The following TSPAN18 variants were observed in gnomAD, a reference collection of about 807,000 sequenced individuals.
The protein encoded by TSPAN18 is tetraspanin-18.
In TSPAN18, 14 loss-of-function variants were observed where a neutral mutation model predicts 27.3. The ratio of observed to expected loss-of-function variants is 0.51; its 90% CI spans 0.34 to 0.80. The LOEUF (loss-of-function observed/expected upper bound fraction) is 0.80, where lower values mean the gene tolerates loss of function less well. Among genes scored for constraint, TSPAN18 ranks in the 30% least tolerant of loss-of-function variants. The pLI is 0.01. For synonymous variants in TSPAN18, 143 were observed against 136.5 expected (o/e 1.05, Z -0.33); for missense variants, 268 against 323.9 (o/e 0.83, Z 1.32).
intron 1 of TSPAN18, among the ~76,000 whole-genome samples, chr11:44,755,476 C>T (rs1855310163): frequency 6.6e-6 from 1 of 151,928 alleles, no homozygotes. Context: ...GAGAGCCCGG[C>T]AGACACTGCA....
At chr11:44,925,035 C>T (rs958824345) in intron 8 of TSPAN18, among the ~76,000 whole-genome samples, 6 of 152,246 alleles carry the variant, frequency 3.9e-5, no homozygotes, top group African/African-American at 1.4e-4. Context: ...CTGGCCTGGC[C>T]TGGGGTAGGA....
intron 2 of TSPAN18, among the ~76,000 whole-genome samples, chr11:44,769,344 G>A (rs999705934): frequency 6.6e-6 from 1 of 152,140 alleles, no homozygotes; most frequent in Admixed American, 6.6e-5. Flanking sequence ...AGAGATATTG[G>A]TCTGTAGTTT....
At chr11:44,876,463 G>A (rs1396577208) in intron 3 of TSPAN18, among the ~76,000 whole-genome samples, 5 of 152,208 alleles carry the variant, frequency 3.3e-5, no homozygotes, top group Admixed American at 3.3e-4. Flanking sequence ...GGCATTGGAA[G>A]TAAACAGAAG....
intron 2 of TSPAN18, among the ~76,000 whole-genome samples, chr11:44,844,821 G>C (rs904187117): frequency 1.3e-5 from 2 of 152,102 alleles, no homozygotes; most frequent in Admixed American, 6.6e-5. Context: ...AATCATTTGA[G>C]AAGAAAGAAA....
chr11:44,806,039 T>TC (rs1456754063), intron 2 of TSPAN18, among the ~76,000 whole-genome samples: 17 of 130,088 alleles, frequency 1.3e-4, no homozygotes, highest in Admixed American at 7.2e-4. Context: ...CACTATTTTT[T>TC]CCTTTTTTTT....
intron 2 of TSPAN18, among the ~76,000 whole-genome samples, chr11:44,797,844 C>T (rs960246266): frequency 4.6e-5 from 7 of 152,260 alleles, no homozygotes; most frequent in African/African-American, 7.2e-5. Flanking sequence ...AAGTGGGTGA[C>T]ATAGAGCACT....
chr11:44,868,448 G>A (rs1177542026), intron 3 of TSPAN18, among the ~76,000 whole-genome samples: 1 of 152,178 alleles, frequency 6.6e-6, no homozygotes, highest in African/African-American at 2.4e-5. Flanking sequence ...TGGGCTGTGG[G>A]TATGGGTGTG....
intron 2 of TSPAN18, among the ~76,000 whole-genome samples, chr11:44,806,924 A>G (rs573217306): frequency 3.3e-5 from 5 of 152,184 alleles, no homozygotes; most frequent in African/African-American, 4.8e-5. Flanking sequence ...TTTTATTTCA[A>G]TGGTTATATA....
At chr11:44,905,485 T>C (rs1282040521) in intron 3 of TSPAN18, among the ~76,000 whole-genome samples, 1 of 152,202 alleles carries the variant, frequency 6.6e-6, no homozygotes, top group Non-Finnish European at 1.5e-5. Context: ...CTCATGGATC[T>C]CTAATCCCTG....
chr11:44,798,375 C>T (rs1243796238), intron 2 of TSPAN18, among the ~76,000 whole-genome samples: 2 of 151,972 alleles, frequency 1.3e-5, no homozygotes, highest in South Asian at 2.1e-4. Context: ...CAGGGAAAGA[C>T]GGGGAAAGCA....
intron 2 of TSPAN18, among the ~76,000 whole-genome samples, chr11:44,781,964 C>T (rs559246156): frequency 6.6e-6 from 1 of 152,342 alleles, no homozygotes; most frequent in African/African-American, 2.4e-5. Flanking sequence ...CTGTCAGTCT[C>T]CCTTCACTCA....
intron 9 of TSPAN18, among the ~76,000 whole-genome samples, chr11:44,927,460 G>A (rs552809440): frequency 1.3e-5 from 2 of 152,302 alleles, no homozygotes; most frequent in African/African-American, 4.8e-5. Flanking sequence ...AAGTCAGGCA[G>A]CCCAATCCTC....
chr11:44,742,156 C>T (rs1014960027), intron 1 of TSPAN18, among the ~76,000 whole-genome samples: 3 of 152,070 alleles, frequency 2.0e-5, no homozygotes, highest in Non-Finnish European at 4.4e-5. Context: ...ATAGCAAGAC[C>T]TGGCCTTTTC....
intron 3 of TSPAN18, among the ~76,000 whole-genome samples, chr11:44,884,463 C>G (rs191225551): frequency 6.6e-6 from 1 of 152,196 alleles, no homozygotes; most frequent in Non-Finnish European, 1.5e-5. Context: ...CCCCTGGCCT[C>G]GATGGGCGAT....
At chr11:44,811,541 A>G (rs973270195) in intron 2 of TSPAN18, among the ~76,000 whole-genome samples, 3 of 151,094 alleles carry the variant, frequency 2.0e-5, no homozygotes, top group Admixed American at 1.3e-4. Flanking sequence ...CTCACTGCAA[A>G]CTCCACTTCC....
chr11:44,779,407 C>A (rs533573247), intron 2 of TSPAN18, among the ~76,000 whole-genome samples: 1 of 152,196 alleles, frequency 6.6e-6, no homozygotes, highest in East Asian at 1.9e-4. Flanking sequence ...CCCTCCTTGA[C>A]CTGCTCTGGG....
At chr11:44,805,718 G>T (rs866342475) in intron 2 of TSPAN18, among the ~76,000 whole-genome samples, 1 of 152,196 alleles carries the variant, frequency 6.6e-6, no homozygotes, top group African/African-American at 2.4e-5. Context: ...TCAAAGTCAA[G>T]GTGCTGGCAG....
rs571742913 is a variant in TSPAN18 at position 44,742,379 on chromosome 11, C to T, written c.-240+15092C>T. 3.0e-3 allele frequency among the ~76,000 whole-genome samples: 441 copies of T among 148,880 alleles called. 1 individual carries two copies. Among genetic ancestry groups the T allele is most frequent in the African/African-American group, 9.7e-3 (397 of 40,862 alleles). The stretch of plus-strand genomic sequence containing the variant: ...TTCCTTCCTTACCTCTTTCCCTCCC[C>T]CATTTTTTCTTTTCTTCGTTCCTTC... On this transcript the variant is annotated intron_variant, in intron 1 of 9. Coordinates refer to ENST00000520358, the MANE Select transcript of TSPAN18 (RefSeq NM_130783.5).
At chr11:44,773,662 G>C (rs1447821981) in intron 2 of TSPAN18, among the ~76,000 whole-genome samples, 2 of 152,128 alleles carry the variant, frequency 1.3e-5, no homozygotes, top group Non-Finnish European at 2.9e-5. Flanking sequence ...CCCATAGCAA[G>C]ATGCTTCCAA....
Sources: gnomAD v4.1 joint callset for allele counts (sites outside exome capture counted in the v4.1 genomes callset) on GRCh38, gnomAD v4.1.1 for gene constraint, MANE v1.5 for transcripts, NCBI Gene and HGNC (gene_info 2026-07-23, HGNC 2026-07-21) for gene names.